DIS3L2: variants seen among roughly 807,000 people sequenced by gnomAD.
DIS3L2 encodes the protein DIS3 like 3'-5' exoribonuclease 2.
DIS3L2 carries 34 observed loss-of-function variants against 97.5 expected under a neutral mutation model. That is an observed-to-expected ratio of 0.35 (90% confidence interval 0.27 to 0.46). The LOEUF (loss-of-function observed/expected upper bound fraction) is 0.46. Among genes scored for constraint, DIS3L2 ranks in the 20% least tolerant of loss-of-function variants. The pLI, the probability that DIS3L2 is intolerant of heterozygous loss-of-function variation, is 1.00. For missense variants in DIS3L2, 1,038 were observed against 1,146.0 expected (o/e 0.91, Z 1.36); for synonymous variants, 435 against 445.2 (o/e 0.98, Z 0.29).
At chr2:232,111,029 T>C (rs942627274) in intron 6 of DIS3L2, among the ~76,000 whole-genome samples, 6 of 152,226 alleles carry the variant, frequency 3.9e-5, no homozygotes, top group Non-Finnish European at 7.3e-5. Flanking sequence ...TTAACAGTTA[T>C]ATGTTTTTGA....
intron 6 of DIS3L2, among the ~76,000 whole-genome samples, chr2:232,117,620 A>T (rs761551312): frequency 8.5e-5 from 13 of 152,172 alleles, no homozygotes; most frequent in Non-Finnish European, 1.8e-4. Context: ...CCCCTTGCCC[A>T]CCAGGGGCCT....
intron 10 of DIS3L2, among the ~76,000 whole-genome samples, chr2:232,236,190 C>T (rs747229092): frequency 5.3e-5 from 8 of 151,992 alleles, no homozygotes; most frequent in Admixed American, 4.6e-4. Flanking sequence ...AAGCATCCCA[C>T]GTTTAAGCAT....
chr2:232,330,924 G>C (rs1695719757), intron 16 of DIS3L2, 148 bp downstream of exon 16: 7 of 825,590 alleles, frequency 8.5e-6, no homozygotes, highest in Admixed American at 2.2e-5. Context: ...CTCTGCCAGA[G>C]GGTGGGAGAG....
chr2:232,040,338 A>G (rs935401445), intron 5 of DIS3L2, among the ~76,000 whole-genome samples: 1 of 152,170 alleles, frequency 6.6e-6, no homozygotes, highest in African/African-American at 2.4e-5. Flanking sequence ...CATTGGAAGA[A>G]GTAGTGGGCT....
At chr2:232,067,529 C>A (rs1049411613) in intron 5 of DIS3L2, among the ~76,000 whole-genome samples, 8 of 152,094 alleles carry the variant, frequency 5.3e-5, no homozygotes, top group Admixed American at 2.0e-4. Flanking sequence ...CTCTTGAAAC[C>A]TACAGAAATT....
intron 12 of DIS3L2, among the ~76,000 whole-genome samples, chr2:232,251,220 T>C (rs904985221): frequency 6.6e-6 from 1 of 152,114 alleles, no homozygotes; most frequent in Non-Finnish European, 1.5e-5. Context: ...CAGGAAAAAG[T>C]AACTAGAACA....
chr2:232,338,739 G>A (rs1418647609), downstream of DIS3L2, among the ~76,000 whole-genome samples: 1 of 152,212 alleles, frequency 6.6e-6, no homozygotes, highest in Non-Finnish European at 1.5e-5. Flanking sequence ...GACTGAATCC[G>A]GTGCCGCGCA....
At chr2:232,105,285 C>T (rs1697329129) in intron 6 of DIS3L2, among the ~76,000 whole-genome samples, 1 of 152,034 alleles carries the variant, frequency 6.6e-6, no homozygotes, top group Non-Finnish European at 1.5e-5. Flanking sequence ...ATTGCTGGGT[C>T]ATAGGGTAAT....
At chr2:232,093,340 C>G (rs907360741) in intron 6 of DIS3L2, among the ~76,000 whole-genome samples, 1 of 151,898 alleles carries the variant, frequency 6.6e-6, no homozygotes, top group Non-Finnish European at 1.5e-5. Flanking sequence ...TGATATTGGC[C>G]TGTAGTTTTT....
At chr2:232,220,719 AGAAAT>A (rs1692478122) in intron 10 of DIS3L2, among the ~76,000 whole-genome samples, 1 of 152,108 alleles carries the variant, frequency 6.6e-6, no homozygotes, top group African/African-American at 2.4e-5. Context: ...ACAAAAGAAA[AGAAAT>A]AGAAATTTGA....
rs754260921 is a variant in DIS3L2, at chr2:232,334,989, G to A, written c.2394+254G>A. The A allele has an allele frequency of 2.2e-5, 11 of 496,144 alleles. No individual in the cohort carries two copies. In the Middle Eastern group the frequency reaches 2.2e-3, roughly 99 times the overall value. The allele number at this position is 496,144 out of a possible 1,614,324, so 30.7% of individuals were successfully genotyped here. On this transcript the variant is annotated intron_variant, in intron 19 of 20. Coordinates refer to ENST00000325385, the MANE Select transcript of DIS3L2 (RefSeq NM_152383.5). ...GGCCCCTCCATGGCCAGTACAGCTC[G>A]GCAGGGTGTGCAGGCTTTGGGGACT...
chr2:232,246,432 C>T (rs1040073853), intron 11 of DIS3L2, among the ~76,000 whole-genome samples: 6 of 152,144 alleles, frequency 3.9e-5, no homozygotes, highest in African/African-American at 7.2e-5. Flanking sequence ...GCCAGTGCCC[C>T]GGGAGAGGGC....
intron 13 of DIS3L2, among the ~76,000 whole-genome samples, chr2:232,280,149 A>G (rs1276750308): frequency 6.6e-6 from 1 of 152,198 alleles, no homozygotes. Flanking sequence ...TTTTTAAAAC[A>G]TATTGCCCAG....
intron 3 of DIS3L2, among the ~76,000 whole-genome samples, chr2:232,023,285 A>G (rs951872736): frequency 3.3e-5 from 5 of 152,210 alleles, no homozygotes; most frequent in African/African-American, 7.2e-5. Context: ...GTAGTAGTCT[A>G]TTTGAGTGTT....
intron 10 of DIS3L2, among the ~76,000 whole-genome samples, chr2:232,220,480 C>T (rs537510309): frequency 1.2e-4 from 19 of 152,148 alleles, no homozygotes; most frequent in Admixed American, 3.3e-4. Flanking sequence ...GAGGCCGAGG[C>T]GGGCAGATCA....
At chr2:232,295,580 T>C (rs1018165539) in intron 13 of DIS3L2, among the ~76,000 whole-genome samples, 1 of 152,250 alleles carries the variant, frequency 6.6e-6, no homozygotes, top group African/African-American at 2.4e-5. Flanking sequence ...CTCTGTCATC[T>C]TTAAATATAC....
chr2:232,300,233 T>C, intron 14 of DIS3L2, 114 bp downstream of exon 14: 1 of 913,884 alleles, frequency 1.1e-6, no homozygotes, highest in Non-Finnish European at 1.7e-6. Context: ...GGAATACACC[T>C]TTTACTACTA....
intron 13 of DIS3L2, among the ~76,000 whole-genome samples, chr2:232,264,068 C>G (rs1430861941): frequency 6.6e-6 from 1 of 152,208 alleles, no homozygotes; most frequent in Admixed American, 6.5e-5. Context: ...CGGGATGAAA[C>G]TTCCACTTCA....
chr2:232,130,870 A>C (rs887799202), intron 7 of DIS3L2, 151 bp downstream of exon 7: 12 of 1,200,348 alleles, frequency 1.0e-5, no homozygotes, highest in South Asian at 9.0e-5. Flanking sequence ...AAAAAAAAAA[A>C]ACTTTAAACA....
Sources: allele counts gnomAD v4.1 joint callset (sites outside exome capture counted in the v4.1 genomes callset), GRCh38; gene constraint gnomAD v4.1.1; transcripts MANE v1.5; gene names NCBI Gene and HGNC (gene_info 2026-07-23, HGNC 2026-07-21).